PCDHGB2: variants seen among roughly 807,000 people sequenced by gnomAD.
PCDHGB2 encodes protocadherin gamma subfamily B, 2, also known as protocadherin gamma-B2.
In PCDHGB2, 55 loss-of-function variants were observed where a neutral mutation model predicts 59.3. The observed-to-expected ratio is 0.93, with a 90% CI of 0.75 to 1.16. The LOEUF (loss-of-function observed/expected upper bound fraction) is 1.16, where lower values mean the gene tolerates loss of function less well. Ranked by LOEUF, PCDHGB2 falls within the 50% of genes most tolerant of loss-of-function variation. PCDHGB2 has a pLI of 0.00. For missense variants in PCDHGB2, 1,228 were observed against 1,198.5 expected (o/e 1.02, Z -0.36); for synonymous variants, 516 against 512.0 (o/e 1.01, Z -0.11).
At chr5:141,366,265 C>T (rs756734800) in intron 1 of PCDHGB2, 2 of 1,613,684 alleles carry the variant, frequency 1.2e-6, no homozygotes, top group Non-Finnish European at 1.7e-6. Context: ...TCGTGGTGGC[C>T]GTCGAAGACC....
chr5:141,463,373 GTCTGAAAGTT>G (rs1463437299), intron 1 of PCDHGB2, among the ~76,000 whole-genome samples: 1 of 147,058 alleles, frequency 6.8e-6, no homozygotes, highest in Non-Finnish European at 1.5e-5. Context: ...CTGCCCCACA[GTCTGAAAGTT>G]GTCTCCAGGC....
intron 1 of PCDHGB2, chr5:141,440,169 C>A (rs891186588): frequency 1.3e-5 from 2 of 152,218 alleles, no homozygotes; most frequent in Non-Finnish European, 2.9e-5. Flanking sequence ...TGGGCCATAA[C>A]GCTTTGAAAT....
intron 1 of PCDHGB2, chr5:141,417,831 C>T: frequency 5.2e-6 from 8 of 1,526,966 alleles, no homozygotes; most frequent in Non-Finnish European, 7.1e-6. Flanking sequence ...ACTGGAAAAG[C>T]GGGGACCCAG....
chr5:141,376,118 G>T, intron 1 of PCDHGB2: 1 of 1,613,826 alleles, frequency 6.2e-7, no homozygotes, highest in Non-Finnish European at 8.5e-7. Context: ...GGGCAGCCTC[G>T]AGCCCTCCGC....
At chr5:141,413,020 C>G in intron 1 of PCDHGB2, 7 of 693,768 alleles carry the variant, frequency 1.0e-5, no homozygotes, top group Non-Finnish European at 1.4e-5. Context: ...CTACACAAGC[C>G]CCACAAACCG....
rs200411745 is a variant in PCDHGB2, at chr5:141,490,281, C to T, written c.2422-4526C>T. The T allele has an allele frequency of 1.2e-6, 2 of 1,614,070 alleles. No homozygotes were observed. The highest frequency in any genetic ancestry group is 1.3e-5 in the African/African-American group (1 of 74,924). On this transcript the variant is annotated intron_variant, in intron 1 of 3. Transcript: ENST00000522605. This position sits in a 1 kb window ranked among gnomAD's most constrained non-coding sequence, Gnocchi z 5.4. The stretch of plus-strand genomic sequence containing the variant: ...ATGTGGGGGATGTCAATGACAATGC[C>T]CCAGAGGTGCTATTGGCCTCTTTGG...
intron 1 of PCDHGB2, chr5:141,384,918 C>T: frequency 6.2e-7 from 1 of 1,613,954 alleles, no homozygotes; most frequent in South Asian, 1.1e-5. Context: ...AAGTCTTGGC[C>T]GACCTGGGCA....
chr5:141,423,816 T>C lies in PCDHGB2; in HGVS notation c.2421+61260T>C, dbSNP rs1205974775. ...TTAGAGCAATACATGTGAGTTTTACTTTGCCTTTCATGAGATTACGATAAT... is the reference window on the plus strand; with the variant it reads ...TTAGAGCAATACATGTGAGTTTTACCTTGCCTTTCATGAGATTACGATAAT... On this transcript the variant is annotated intron_variant, in intron 1 of 3. Transcript: ENST00000522605. 3 of 1,273,904 alleles carry C rather than the reference T, an allele frequency of 2.4e-6. No individual in the cohort carries two copies. The African/African-American group carries it at 4.7e-5, about 20-fold the overall frequency. 78.9% of individuals were successfully genotyped at this position (1,273,904 alleles called of 1,614,324 possible).
Position 141,491,279 on chromosome 5 carries a change from T to G in PCDHGB2, c.2422-3528T>G. 1 of 1,614,110 alleles carries G rather than the reference T, an allele frequency of 6.2e-7. No individual in the cohort carries two copies. The highest frequency in any genetic ancestry group is 2.2e-5 in the East Asian group (1 of 44,878). ...GAGGAAATGCCCAAATCCAGTGACT[T>G]CCTCATACACCCTCCTGAGCGTTCA... On this transcript the variant is annotated intron_variant, in intron 1 of 3. Transcript: ENST00000522605. The surrounding 1 kb of genome is among the most constrained non-coding windows in gnomAD (Gnocchi z 6.9).
rs561499055 is a variant in PCDHGB2 at position 141,423,745 on chromosome 5, C to G, written c.2421+61189C>G. 10 of 605,688 alleles carry G rather than the reference C, an allele frequency of 1.7e-5. No individual in the cohort carries two copies. The East Asian group carries it at 3.1e-4, about 19-fold the overall frequency. The allele number at this position is 605,688 out of a possible 1,614,324, so 37.5% of individuals were successfully genotyped here. A position where few individuals can be genotyped will look rare whatever the true frequency, so the allele number is the denominator to read the frequency against. The stretch of plus-strand genomic sequence containing the variant: ...ATGTTTTTTGAGCCTGTTATGAAAA[C>G]TGTTTGGGGGGGGGGTGGGGCGGCA... On this transcript the variant is annotated intron_variant, in intron 1 of 3. Coordinates refer to ENST00000522605, the MANE Select transcript of PCDHGB2 (RefSeq NM_018923.3).
At chr5:141,506,863 G>A (rs1162975959) in intron 3 of PCDHGB2, among the ~76,000 whole-genome samples, 1 of 152,120 alleles carries the variant, frequency 6.6e-6, no homozygotes, top group Non-Finnish European at 1.5e-5. Context: ...GAGGACTGGT[G>A]GGTAGAGAAC....
At position 141,490,819 on chromosome 5, in the gene PCDHGB2, C is replaced by T; in HGVS notation, c.2422-3988C>T. Reference sequence around the variant, plus strand: ...CCAGCGTACCTTTGACTATGAATTGCTGCAGATGCTGCAGATTGTGGTGGG... The same window carrying T: ...CCAGCGTACCTTTGACTATGAATTGTTGCAGATGCTGCAGATTGTGGTGGG... On this transcript the variant is annotated intron_variant, in intron 1 of 3. Transcript: ENST00000522605. This position sits in a 1 kb window ranked among gnomAD's most constrained non-coding sequence, Gnocchi z 5.4. 2 of 1,613,842 alleles carry T rather than the reference C, an allele frequency of 1.2e-6. No individual in the cohort carries two copies. Among genetic ancestry groups the T allele is most frequent in the Non-Finnish European group, 8.5e-7 (1 of 1,179,804 alleles).
intron 3 of PCDHGB2, among the ~76,000 whole-genome samples, chr5:141,506,598 G>A (rs1056005258): frequency 6.6e-6 from 1 of 152,130 alleles, no homozygotes; most frequent in Non-Finnish European, 1.5e-5. Context: ...CAGTATTAAC[G>A]GATCTCATTG....
intron 1 of PCDHGB2, chr5:141,410,911 T>C (rs927103159): frequency 2.6e-5 from 7 of 267,884 alleles, no homozygotes; most frequent in African/African-American, 7.8e-5. Flanking sequence ...TGGAGTGCAG[T>C]GGCGTGATCT....
At position 141,404,503 on chromosome 5, in the gene PCDHGB2, G is replaced by A. The variant is rs771196227; in HGVS notation, c.2421+41947G>A. 8 of 1,613,720 alleles carry A rather than the reference G, an allele frequency of 5.0e-6. No homozygotes were observed. In the East Asian group the frequency reaches 1.8e-4, roughly 36 times the overall value. On this transcript the variant is annotated intron_variant, in intron 1 of 3. Coordinates refer to ENST00000522605, the MANE Select transcript of PCDHGB2 (RefSeq NM_018923.3). Reference sequence around the variant, plus strand: ...CAGACACTGGTGTGCTGTATGCTCTGTGCTCCTTTGACTATGAGCAGTTTA... The same window carrying A: ...CAGACACTGGTGTGCTGTATGCTCTATGCTCCTTTGACTATGAGCAGTTTA...
chr5:141,390,042 G>A, intron 1 of PCDHGB2: 1 of 1,614,034 alleles, frequency 6.2e-7, no homozygotes, highest in Non-Finnish European at 8.5e-7. Flanking sequence ...CTCCAGCCCC[G>A]CCTCCTGGAG....
chr5:141,393,584 A>G, intron 1 of PCDHGB2: 1 of 1,613,892 alleles, frequency 6.2e-7, no homozygotes, highest in African/African-American at 1.3e-5. Context: ...ACATGCCCCC[A>G]GGCACGCGGC....
intron 1 of PCDHGB2, chr5:141,364,263 G>A (rs997057589): frequency 4.0e-6 from 6 of 1,505,766 alleles, no homozygotes; most frequent in Admixed American, 4.7e-5. Flanking sequence ...TGTACCCATC[G>A]GCTTTAGATA....
chr5:141,365,893 C>G, intron 1 of PCDHGB2: 3 of 1,614,190 alleles, frequency 1.9e-6, no homozygotes, highest in Admixed American at 1.7e-5. Flanking sequence ...GATCCTTCGA[C>G]TATGAGCAGT....
Sources: gnomAD v4.1 joint callset for allele counts (sites outside exome capture counted in the v4.1 genomes callset) on GRCh38, gnomAD v4.1.1 for gene constraint, Gnocchi (gnomAD v3.1) non-coding constraint, MANE v1.5 for transcripts, NCBI Gene and HGNC (gene_info 2026-07-23, HGNC 2026-07-21) for gene names.